Variants in OTOG observed in about 807,000 individuals in gnomAD.
OTOG encodes otogelin.
Under a neutral mutation model 313.8 loss-of-function variants are expected in OTOG, and 296 were observed. That is an observed-to-expected ratio of 0.94 (90% CI 0.86 to 1.04). The LOEUF (loss-of-function observed/expected upper bound fraction) is 1.04. Among genes scored for constraint, OTOG ranks in the 50% least tolerant of loss-of-function variants. The pLI, the probability that OTOG is intolerant of heterozygous loss-of-function variation, is 0.00. For missense variants in OTOG, 3,948 were observed against 3,840.1 expected, an observed-to-expected ratio of 1.03 and a Z score of -0.74; for synonymous variants, 1,533 against 1,554.9, an observed-to-expected ratio of 0.99 and a Z score of 0.33.
intron 39 of OTOG, among the ~76,000 whole-genome samples, chr11:17,623,633 A>T (rs1202171400): frequency 6.6e-6 from 1 of 152,158 alleles, no homozygotes; most frequent in African/African-American, 2.4e-5. Context: ...TTTATGATAG[A>T]ATAATTTATA....
rs1473299870 is a variant in OTOG, at chr11:17,574,911, C to A, written c.2485C>A (p.Arg829=). 3.8e-5 allele frequency: 57 copies of A among 1,500,492 alleles called. No homozygotes were observed. Among genetic ancestry groups the A allele is most frequent in the Non-Finnish European group, 5.1e-5 (57 of 1,119,512 alleles). The allele number at this position is 1,500,492 out of a possible 1,614,324, so 92.9% of individuals were successfully genotyped here. A position where few individuals can be genotyped will look rare whatever the true frequency, so the allele number is the denominator to read the frequency against. Residue 829 remains arginine, a splice_region_variant and synonymous_variant, in exon 20 of 56, where the codon CGG becomes AGG. Coordinates refer to ENST00000399397, the MANE Select transcript of OTOG (RefSeq NM_001292063.2). ...LDTQADLCVP[R]NQCSCHFQGV... ...CACCCAGGCTGACCTCTGTGTCCCC[C>A]GGTGAGTGGGTCAGCTTGATCTCTG...
At position 17,559,175 on chromosome 11, in the gene OTOG, A is replaced by G. The variant is rs143302987; in HGVS notation, c.1213+14A>G. On this transcript the variant is annotated intron_variant, in intron 11 of 55. Coordinates refer to ENST00000399397, the MANE Select transcript of OTOG (RefSeq NM_001292063.2). ...TCCGGCAATGCAGTAGGTGCAGCCCAGTAGTGGGGCAGGGAGGCCTTCAGG... is the reference window on the plus strand; with the variant it reads ...TCCGGCAATGCAGTAGGTGCAGCCCGGTAGTGGGGCAGGGAGGCCTTCAGG... 1 of 1,526,166 alleles carries G rather than the reference A, an allele frequency of 6.6e-7. No homozygotes were observed. Among genetic ancestry groups the G allele is most frequent in the Non-Finnish European group, 8.8e-7 (1 of 1,138,896 alleles). 94.5% of individuals were successfully genotyped at this position (1,526,166 alleles called of 1,614,324 possible). A position where few individuals can be genotyped will look rare whatever the true frequency, so the allele number is the denominator to read the frequency against.
rs755509548 is a variant in OTOG, at chr11:17,593,333, G to T, written c.3141+6G>T. The T allele has an allele frequency of 2.1e-5, 32 of 1,550,466 alleles. No individual in the cohort carries two copies. The South Asian group carries it at 3.6e-4, about 17-fold the overall frequency. On this transcript the variant is annotated splice_donor_region_variant and intron_variant, in intron 26 of 55. Coordinates refer to ENST00000399397, the MANE Select transcript of OTOG (RefSeq NM_001292063.2). Reference sequence around the variant, plus strand: ...ATGATGACTCCGGAAATCCTGTAAGGCTCAGTGCCTGTGAAGGTTGTGTAG... The same window carrying T: ...ATGATGACTCCGGAAATCCTGTAAGTCTCAGTGCCTGTGAAGGTTGTGTAG...
intron 21 of OTOG, 39 bp from the exon 22 acceptor site, chr11:17,576,829 A>T (rs1359679441): frequency 6.5e-7 from 1 of 1,548,960 alleles, no homozygotes; most frequent in Admixed American, 2.0e-5. Flanking sequence ...TCCTGCAGTG[A>T]CTGGGTCGGC....
intron 32 of OTOG, among the ~76,000 whole-genome samples, chr11:17,604,536 G>A (rs1390574224): frequency 2.0e-5 from 3 of 152,188 alleles, no homozygotes; most frequent in South Asian, 2.1e-4. Flanking sequence ...TCCCTCATCC[G>A]CCGTCAGTGT....
rs774518916 is a variant in OTOG, at chr11:17,608,268, A to T, written c.4157-28A>T. On this transcript the variant is annotated intron_variant, in intron 33 of 55. Transcript: ENST00000399397. The stretch of plus-strand genomic sequence containing the variant: ...CTCCCTCTGTGTCTTCACCTGACCC[A>T]GAGTTGCTGCCCCATCTCACTTTCT... 10 of 1,455,034 alleles carry T rather than the reference A, an allele frequency of 6.9e-6. No individual in the cohort carries two copies. The African/African-American group carries it at 1.4e-4, about 21-fold the overall frequency. 90.1% of individuals were successfully genotyped at this position (1,455,034 alleles called of 1,614,324 possible).
At chr11:17,634,418 G>T in intron 44 of OTOG, 137 bp downstream of exon 44, 1 of 979,456 alleles carries the variant, frequency 1.0e-6, no homozygotes, top group Non-Finnish European at 1.5e-6. Flanking sequence ...TTGGAGGAGG[G>T]GAGAACCCTC....
chr11:17,642,356 G>A (rs949438078), intron 53 of OTOG, 110 bp downstream of exon 53: 3 of 1,369,870 alleles, frequency 2.2e-6, no homozygotes, highest in African/African-American at 1.5e-5. Flanking sequence ...GCTCCCTGGA[G>A]CCTGTGCCTG....
intron 32 of OTOG, among the ~76,000 whole-genome samples, chr11:17,602,859 A>C (rs1476301338): frequency 6.6e-6 from 1 of 152,216 alleles, no homozygotes; most frequent in Non-Finnish European, 1.5e-5. Flanking sequence ...CCTGCCCATC[A>C]GAAGCCCACA....
At chr11:17,624,143 A>G (rs1363686257) in intron 39 of OTOG, among the ~76,000 whole-genome samples, 2 of 152,036 alleles carry the variant, frequency 1.3e-5, no homozygotes, top group Non-Finnish European at 2.9e-5. Flanking sequence ...GCTGTGTAGA[A>G]GCTCTTTAGT....
intron 6 of OTOG, among the ~76,000 whole-genome samples, chr11:17,554,615 G>A (rs1852014493): frequency 6.6e-6 from 1 of 152,208 alleles, no homozygotes. Context: ...TCTCCCCTCT[G>A]CTAGCCATTT....
At chr11:17,561,828 G>T in intron 15 of OTOG, 21 bp downstream of exon 15, 1 of 1,549,794 alleles carries the variant, frequency 6.5e-7, no homozygotes. Context: ...GGGATCCCCA[G>T]GCCCGATCCA....
intron 15 of OTOG, among the ~76,000 whole-genome samples, chr11:17,564,371 A>G (rs1392657890): frequency 6.6e-6 from 1 of 152,234 alleles, no homozygotes; most frequent in African/African-American, 2.4e-5. Context: ...ACCTCATGAC[A>G]GAAGTGGCAT....
At chr11:17,548,342 C>G in intron 3 of OTOG, 130 bp downstream of exon 3, 1 of 661,980 alleles carries the variant, frequency 1.5e-6, no homozygotes, top group Non-Finnish European at 2.4e-6. Flanking sequence ...AAGCAGATTC[C>G]TGGTATGTGT....
At chr11:17,597,086 G>C in intron 30 of OTOG, 79 bp downstream of exon 30, 2 of 1,486,510 alleles carry the variant, frequency 1.3e-6, no homozygotes, top group East Asian at 5.0e-5. Flanking sequence ...CTGGCAGTCT[G>C]TCTAGCATTT....
rs747609456 is a variant in OTOG, at chr11:17,576,860, C to G, written c.2562-8C>G. The G allele has an allele frequency of 6.5e-6, 10 of 1,550,276 alleles. No homozygotes were observed. The South Asian group carries it at 1.2e-4, about 18-fold the overall frequency. On this transcript the variant is annotated splice_region_variant and splice_polypyrimidine_tract_variant and intron_variant, in intron 21 of 55. Transcript: ENST00000399397. ...TCGGCTAACCCCAGGGCCCGTCTCTCTCTGCAGCCACTGCAAAGATGGAGT... is the reference window on the plus strand; with the variant it reads ...TCGGCTAACCCCAGGGCCCGTCTCTGTCTGCAGCCACTGCAAAGATGGAGT...
chr11:17,621,766 G>A (rs1158813390), intron 39 of OTOG, among the ~76,000 whole-genome samples: 1 of 152,172 alleles, frequency 6.6e-6, no homozygotes, highest in Non-Finnish European at 1.5e-5. Context: ...ACAATCATAA[G>A]GCTTGCCTCA....
intron 19 of OTOG, among the ~76,000 whole-genome samples, chr11:17,574,342 T>C (rs560571559): frequency 2.5e-4 from 38 of 151,846 alleles, no homozygotes; most frequent in African/African-American, 9.2e-4. Context: ...GTCCACACAC[T>C]TGGGCTCATG....
At chr11:17,551,308 C>G (rs369704803) in intron 3 of OTOG, among the ~76,000 whole-genome samples, 65 of 152,152 alleles carry the variant, frequency 4.3e-4, no homozygotes, top group African/African-American at 1.5e-3. Context: ...ACTGAACACC[C>G]CTGTTGTTAT....
Sources: gnomAD v4.1 joint callset for allele counts (sites outside exome capture counted in the v4.1 genomes callset) on GRCh38, gnomAD v4.1.1 for gene constraint, MANE v1.5 for transcripts, NCBI Gene and HGNC (gene_info 2026-07-23, HGNC 2026-07-21) for gene names.